RAD54B: variants seen among roughly 807,000 people sequenced by gnomAD.
RAD54B encodes the protein DNA repair and recombination protein RAD54B.
A neutral mutation model predicts 95.8 loss-of-function variants in RAD54B; 78 were observed. That is an observed-to-expected ratio of 0.81 (90% CI 0.68 to 0.98). The LOEUF is 0.98. RAD54B is among the 50% of genes least tolerant of loss of function. RAD54B has a pLI of 0.00. For synonymous variants in RAD54B, 328 were observed against 354.9 expected (o/e 0.92, Z 0.85); for missense variants, 957 against 1,056.6 (o/e 0.91, Z 1.31).
intron 3 of RAD54B, among the ~76,000 whole-genome samples, chr8:94,419,310 C>T (rs753097142): frequency 1.3e-5 from 2 of 152,122 alleles, no homozygotes; most frequent in Non-Finnish European, 2.9e-5. Context: ...CAGTTCGAGA[C>T]CAGCCTGACC....
intron 3 of RAD54B, among the ~76,000 whole-genome samples, chr8:94,437,751 C>T (rs566017083): frequency 6.6e-6 from 1 of 152,256 alleles, no homozygotes; most frequent in Non-Finnish European, 1.5e-5. Flanking sequence ...ATCACATTTG[C>T]TATTATAATA....
At chr8:94,417,644 A>G (rs1300924801) in intron 3 of RAD54B, among the ~76,000 whole-genome samples, 2 of 151,998 alleles carry the variant, frequency 1.3e-5, no homozygotes, top group Non-Finnish European at 2.9e-5. Flanking sequence ...CAGCCATTAC[A>G]CTGCTAGGTA....
intron 2 of RAD54B, among the ~76,000 whole-genome samples, chr8:94,463,029 A>C (rs1812943175): frequency 6.6e-6 from 1 of 151,958 alleles, no homozygotes; most frequent in Admixed American, 6.6e-5. Context: ...TACAAAAATT[A>C]GCTAGGCGTG....
At chr8:94,472,458 T>C (rs1287037834) in intron 1 of RAD54B, among the ~76,000 whole-genome samples, 1 of 152,192 alleles carries the variant, frequency 6.6e-6, no homozygotes, top group African/African-American at 2.4e-5. Context: ...AAACTAAAGA[T>C]TTTAGTGACT....
At chr8:94,378,872 G>A (rs1453643135) in intron 12 of RAD54B, among the ~76,000 whole-genome samples, 1 of 152,206 alleles carries the variant, frequency 6.6e-6, no homozygotes, top group East Asian at 1.9e-4. Context: ...TATCATGCAA[G>A]AGTGAGAGAA....
intron 3 of RAD54B, among the ~76,000 whole-genome samples, chr8:94,416,730 A>G (rs1811681196): frequency 1.3e-5 from 2 of 152,150 alleles, no homozygotes; most frequent in Non-Finnish European, 2.9e-5. Context: ...GTCAGATAAT[A>G]AACAAGTGTG....
Position 94,407,432 on chromosome 8 carries a change from A to G in RAD54B, c.781+7T>C. On this transcript the variant is annotated splice_region_variant and intron_variant, in intron 5 of 14. Coordinates refer to ENST00000336148, the MANE Select transcript of RAD54B (RefSeq NM_012415.3). The stretch of plus-strand genomic sequence containing the variant: ...ACAGAAAATTCAAATTATTTTTAAA[A>G]TCTTACTTGGCGTATATGGGTCATG... 6.4e-7 allele frequency: 1 copy of G among 1,567,352 alleles called. No individual in the cohort carries two copies. The highest frequency in any genetic ancestry group is 8.7e-7 in the Non-Finnish European group (1 of 1,153,822).
At chr8:94,409,969 C>T (rs1234281804) in intron 4 of RAD54B, among the ~76,000 whole-genome samples, 2 of 152,130 alleles carry the variant, frequency 1.3e-5, no homozygotes, top group Non-Finnish European at 2.9e-5. Context: ...TTTCTTTTTA[C>T]TTCCCCAATC....
At chr8:94,435,468 T>C (rs1285011303) in intron 3 of RAD54B, among the ~76,000 whole-genome samples, 5 of 152,252 alleles carry the variant, frequency 3.3e-5, no homozygotes, top group Admixed American at 3.3e-4. Flanking sequence ...GCTTATATAA[T>C]GCCTCTTCCA....
intron 12 of RAD54B, among the ~76,000 whole-genome samples, chr8:94,379,077 A>G (rs890434634): frequency 6.6e-6 from 1 of 152,232 alleles, no homozygotes; most frequent in East Asian, 1.9e-4. Context: ...ACTGTGCATT[A>G]AAGTGTTGAT....
At chr8:94,386,544 A>ATC (rs1296673365) in intron 11 of RAD54B, among the ~76,000 whole-genome samples, 1 of 151,826 alleles carries the variant, frequency 6.6e-6, no homozygotes, top group Non-Finnish European at 1.5e-5. Flanking sequence ...ATATATAGTC[A>ATC]TCACACACAC....
chr8:94,388,324 T>G (rs1810940465), intron 10 of RAD54B, among the ~76,000 whole-genome samples: 1 of 152,232 alleles, frequency 6.6e-6, no homozygotes, highest in Admixed American at 6.5e-5. Context: ...ATATTTTCTC[T>G]TCTTCATTCT....
At chr8:94,390,372 C>G (rs180699200) in intron 10 of RAD54B, among the ~76,000 whole-genome samples, 9 of 150,668 alleles carry the variant, frequency 6.0e-5, no homozygotes, top group African/African-American at 2.2e-4. Flanking sequence ...TGGTGGCAGG[C>G]GCCTGTAATC....
intron 2 of RAD54B, among the ~76,000 whole-genome samples, chr8:94,459,216 G>A (rs1023635527): frequency 6.6e-6 from 1 of 151,696 alleles, no homozygotes; most frequent in East Asian, 2.0e-4. Flanking sequence ...GCAGTGTCAC[G>A]ACCATAGCTC....
At position 94,467,423 on chromosome 8, in the gene RAD54B, T is replaced by C. The variant is rs1462127053; in HGVS notation, c.117A>G (p.Pro39=). ...GCCTTACCTCAAATAATTTTATATC[T>C]GGATTCAGTTTTGTAATCTCTTCAT... ...GLNEEITKLN[P]DIKLFEGVAI... Residue 39 remains proline, a synonymous_variant, in exon 2 of 15, where the codon CCA becomes CCG. Coordinates refer to ENST00000336148, the MANE Select transcript of RAD54B (RefSeq NM_012415.3). The C allele has an allele frequency of 1.2e-6, 2 of 1,610,040 alleles. No homozygotes were observed. Among genetic ancestry groups the C allele is most frequent in the Non-Finnish European group, 1.7e-6 (2 of 1,178,554 alleles).
At chr8:94,463,893 CAAA>C (rs553168595) in intron 2 of RAD54B, among the ~76,000 whole-genome samples, 44 of 90,964 alleles carry the variant, frequency 4.8e-4, no homozygotes, top group Middle Eastern at 5.9e-3. Flanking sequence ...GACCCTATCT[CAAA>C]AAAAAAAAAA....
At chr8:94,382,711 CG>C (rs1227911549) in intron 11 of RAD54B, among the ~76,000 whole-genome samples, 5 of 152,134 alleles carry the variant, frequency 3.3e-5, no homozygotes, top group Non-Finnish European at 7.4e-5. Flanking sequence ...GACTAAATCA[CG>C]GGGGCGGTTT....
intron 2 of RAD54B, among the ~76,000 whole-genome samples, chr8:94,463,900 A>C (rs1489933880): frequency 1.0e-4 from 15 of 150,452 alleles, no homozygotes; most frequent in Non-Finnish European, 1.5e-4. Flanking sequence ...TCTCAAAAAA[A>C]AAAAAAAAAA....
intron 11 of RAD54B, among the ~76,000 whole-genome samples, chr8:94,384,341 A>C (rs1197033274): frequency 1.3e-5 from 2 of 152,210 alleles, no homozygotes; most frequent in Non-Finnish European, 2.9e-5. Flanking sequence ...ATTCTGACAC[A>C]TGCTACAACA....
Sources: allele counts gnomAD v4.1 joint callset (sites outside exome capture counted in the v4.1 genomes callset), GRCh38; gene constraint gnomAD v4.1.1; transcripts MANE v1.5; gene names NCBI Gene and HGNC (gene_info 2026-07-23, HGNC 2026-07-21).